The following ATP9B variants were observed in gnomAD, a reference collection of about 807,000 sequenced individuals.
ATP9B encodes the protein probable phospholipid-transporting ATPase IIB.
A neutral mutation model predicts 146.1 loss-of-function variants in ATP9B; 110 were observed. The observed-to-expected ratio is 0.75, with a 90% CI of 0.65 to 0.88. The LOEUF (loss-of-function observed/expected upper bound fraction) is 0.88. Among genes scored for constraint, ATP9B ranks in the 40% least tolerant of loss-of-function variants. The probability of loss-of-function intolerance (pLI) is 0.00; values close to 1 mark genes in which losing one functional copy is unlikely to be tolerated. For synonymous variants in ATP9B, 604 were observed against 569.7 expected (o/e 1.06, Z -0.86); for missense variants, 1,499 against 1,496.4 (o/e 1.00, Z -0.03).
intron 4 of ATP9B, among the ~76,000 whole-genome samples, chr18:79,123,540 T>C (rs1287091151): frequency 6.6e-6 from 1 of 152,256 alleles, no homozygotes; most frequent in East Asian, 1.9e-4. Context: ...TCTTTATGTT[T>C]TTAAATGTTT....
chr18:79,276,275 C>T (rs1318469846), intron 12 of ATP9B, among the ~76,000 whole-genome samples: 1 of 152,266 alleles, frequency 6.6e-6, no homozygotes, highest in Non-Finnish European at 1.5e-5. Context: ...TTCTGCTCCA[C>T]TCCACTGCCT....
intron 8 of ATP9B, among the ~76,000 whole-genome samples, chr18:79,191,949 GT>G (rs938680542): frequency 6.6e-6 from 1 of 152,134 alleles, no homozygotes; most frequent in African/African-American, 2.4e-5. Flanking sequence ...AAGAGTACTG[GT>G]TTTTTGTTTG....
chr18:79,243,925 A>G (rs1290816207), intron 11 of ATP9B, among the ~76,000 whole-genome samples: 1 of 152,242 alleles, frequency 6.6e-6, no homozygotes, highest in Non-Finnish European at 1.5e-5. Flanking sequence ...TCGGATGCCA[A>G]CATTTTGAAA....
intron 2 of ATP9B, 113 bp downstream of exon 2, chr18:79,096,762 A>G (rs2074817247): frequency 2.3e-6 from 2 of 868,570 alleles, no homozygotes; most frequent in Non-Finnish European, 3.4e-6. Flanking sequence ...ATATTCCTTA[A>G]ATGATATCAT....
chr18:79,097,824 C>T (rs1473812907), intron 2 of ATP9B, among the ~76,000 whole-genome samples: 1 of 147,546 alleles, frequency 6.8e-6, no homozygotes, highest in Non-Finnish European at 1.5e-5. Context: ...GTGAATAGTG[C>T]CGCAATAAAC....
At chr18:79,343,531 A>C (rs1479568419) in intron 20 of ATP9B, 1 of 152,250 alleles carries the variant, frequency 6.6e-6, no homozygotes, top group Non-Finnish European at 1.5e-5. Flanking sequence ...TCCCTCAGAC[A>C]CTGGGTAAAA....
chr18:79,241,478 G>A (rs1220084951), intron 11 of ATP9B, among the ~76,000 whole-genome samples: 1 of 152,126 alleles, frequency 6.6e-6, no homozygotes, highest in Non-Finnish European at 1.5e-5. Context: ...GGTTCTTCTG[G>A]CCTCCGTCGT....
At chr18:79,181,056 C>T (rs2095246821) in intron 8 of ATP9B, among the ~76,000 whole-genome samples, 1 of 152,030 alleles carries the variant, frequency 6.6e-6, no homozygotes, top group African/African-American at 2.4e-5. Flanking sequence ...GATGATCCGC[C>T]CACCTTGGCC....
chr18:79,175,567 C>A (rs2095151850), intron 7 of ATP9B, among the ~76,000 whole-genome samples: 1 of 152,178 alleles, frequency 6.6e-6, no homozygotes, highest in South Asian at 2.1e-4. Context: ...TGCATGCCCT[C>A]ACATCTGTCA....
intron 4 of ATP9B, among the ~76,000 whole-genome samples, chr18:79,118,868 A>G (rs1028282514): frequency 5.9e-5 from 9 of 152,028 alleles, no homozygotes; most frequent in African/African-American, 2.2e-4. Context: ...TCAGGAGTTC[A>G]AGACCAACCT....
At chr18:79,311,172 T>C (rs1223495276) in intron 15 of ATP9B, among the ~76,000 whole-genome samples, 1 of 152,178 alleles carries the variant, frequency 6.6e-6, no homozygotes, top group Non-Finnish European at 1.5e-5. Context: ...AAAGAAATGC[T>C]GGGCTGGGGC....
At chr18:79,077,695 C>A (rs1474934620) in intron 1 of ATP9B, among the ~76,000 whole-genome samples, 1 of 152,148 alleles carries the variant, frequency 6.6e-6, no homozygotes, top group East Asian at 1.9e-4. Context: ...TAAAAACAGA[C>A]CAGTTTCCTC....
intron 20 of ATP9B, among the ~76,000 whole-genome samples, chr18:79,342,775 A>G (rs2096866443): frequency 6.6e-6 from 1 of 152,128 alleles, no homozygotes; most frequent in Non-Finnish European, 1.5e-5. Flanking sequence ...AATTATTTTC[A>G]ATTTGTAAAA....
At chr18:79,346,634 ACACT>A (rs1210479418) in intron 23 of ATP9B, among the ~76,000 whole-genome samples, 2 of 129,566 alleles carry the variant, frequency 1.5e-5, no homozygotes, top group African/African-American at 3.0e-5. Context: ...TGCTTGGCAC[ACACT>A]CAGCGCACCT....
At chr18:79,271,547 G>A (rs1347568586) in intron 12 of ATP9B, among the ~76,000 whole-genome samples, 55 of 138,982 alleles carry the variant, frequency 4.0e-4, no homozygotes, top group South Asian at 7.2e-4. Flanking sequence ...CTTCATCCAT[G>A]TCCCTACAAA....
intron 12 of ATP9B, among the ~76,000 whole-genome samples, chr18:79,276,329 C>T (rs1460670770): frequency 6.6e-6 from 1 of 152,220 alleles, no homozygotes; most frequent in East Asian, 1.9e-4. Flanking sequence ...GATGACTCAT[C>T]ATATGTGCTT....
At chr18:79,327,907 TCCGTGGGTAGCGTG>T (rs1273567875) in intron 15 of ATP9B, among the ~76,000 whole-genome samples, 8 of 132,462 alleles carry the variant, frequency 6.0e-5, no homozygotes, top group South Asian at 2.8e-4. Context: ...TAGCGTGCTC[TCCGTGGGTAGCGTG>T]CTCTCTCTGG....
chr18:79,335,196 G>A (rs190416357), intron 17 of ATP9B, among the ~76,000 whole-genome samples: 4 of 152,336 alleles, frequency 2.6e-5, no homozygotes, highest in African/African-American at 7.2e-5. Context: ...GAGCAGGCTC[G>A]TTCAAGCCTT....
chr18:79,104,609 A>G (rs1003696745), intron 2 of ATP9B, among the ~76,000 whole-genome samples: 1 of 147,442 alleles, frequency 6.8e-6, no homozygotes, highest in African/African-American at 2.6e-5. Context: ...TTTAGGTTTT[A>G]CTTATAATAT....
Sources: gnomAD v4.1 joint callset for allele counts (sites outside exome capture counted in the v4.1 genomes callset) on GRCh38, gnomAD v4.1.1 for gene constraint, MANE v1.5 for transcripts, NCBI Gene and HGNC (gene_info 2026-07-23, HGNC 2026-07-21) for gene names.